WSCD1: variants seen among roughly 807,000 people sequenced by gnomAD.
WSCD1 encodes the protein sialate:O-sulfotransferase 1.
WSCD1 carries 41 observed loss-of-function variants against 60.4 expected under a neutral mutation model. The ratio of observed to expected loss-of-function variants is 0.68; its 90% CI spans 0.53 to 0.88. The LOEUF (loss-of-function observed/expected upper bound fraction) is 0.88, where lower values mean the gene tolerates loss of function less well. Among genes scored for constraint, WSCD1 ranks in the 40% least tolerant of loss-of-function variants. The pLI, the probability that WSCD1 is intolerant of heterozygous loss-of-function variation, is 0.00. For missense variants in WSCD1, 784 were observed against 796.2 expected (o/e 0.98, Z 0.18); for synonymous variants, 361 against 332.5 (o/e 1.09, Z -0.93).
chr17:6,092,947 G>A (rs1245895864), intron 4 of WSCD1, among the ~76,000 whole-genome samples: 1 of 152,152 alleles, frequency 6.6e-6, no homozygotes, highest in Middle Eastern at 3.2e-3. Flanking sequence ...CCTTCCTGAG[G>A]GAATGAGCTG....
chr17:6,087,942 C>G (rs1221379894), intron 2 of WSCD1, 48 bp from the exon 3 acceptor site: 1 of 1,488,652 alleles, frequency 6.7e-7, no homozygotes, highest in Non-Finnish European at 9.4e-7. Context: ...TAAGGGTGGG[C>G]CCATGATTCC....
chr17:6,090,386 T>C lies in WSCD1; in HGVS notation c.608T>C (p.Val203Ala). ...TACTGCGGGAACCGGCTGCCAGCGG[T>C]GAGCGTGGGGCTGGAAGAGTGTAAC... Reference protein sequence around the residue: ...ECYCGNRLPAVSVGLEECNHE... With the variant: ...ECYCGNRLPAASVGLEECNHE... The change falls in exon 4 of 9, where the codon GTG (valine) becomes GCG (alanine). Residue 203 changes from valine (V) to alanine (A), a missense_variant. By Grantham distance (64) the Val-to-Ala change is moderately conservative. Coordinates refer to ENST00000317744, the MANE Select transcript of WSCD1 (RefSeq NM_015253.2). 6.2e-7 allele frequency: 1 copy of C among 1,609,392 alleles called. No homozygotes were observed. The highest frequency in any genetic ancestry group is 8.5e-7 in the Non-Finnish European group (1 of 1,178,204).
At chr17:6,107,359 G>C (rs915119245) in intron 5 of WSCD1, among the ~76,000 whole-genome samples, 1 of 152,114 alleles carries the variant, frequency 6.6e-6, no homozygotes. Flanking sequence ...AAAGTAGCCA[G>C]GCATGGTGGT....
intron 1 of WSCD1, among the ~76,000 whole-genome samples, chr17:6,077,296 C>T (rs1908929230): frequency 6.6e-6 from 1 of 152,060 alleles, no homozygotes; most frequent in African/African-American, 2.4e-5. Flanking sequence ...ACCATGTTGG[C>T]CAGGATGGTC....
Position 6,088,088 on chromosome 17 carries a change from G to A in WSCD1, c.526G>A (p.Asp176Asn), listed in dbSNP as rs2150541291. The A allele has an allele frequency of 6.2e-7, 1 of 1,614,180 alleles. No homozygotes were observed. The highest frequency in any genetic ancestry group is 8.5e-7 in the Non-Finnish European group (1 of 1,180,018). The change falls in exon 3 of 9, where the codon GAT (aspartate) becomes AAT (asparagine). Residue 176 changes from aspartate to asparagine, a missense_variant. Transcript: ENST00000317744. ...LRKMTVSHCQ[D>N]ACAERSYVYA... is the part of the protein sequence containing the mutation. ...AAAGATGACTGTCTCCCACTGCCAGGATGCGTGTGCTGAGCGGTGAGTGCT... is the reference window on the plus strand; with the variant it reads ...AAAGATGACTGTCTCCCACTGCCAGAATGCGTGTGCTGAGCGGTGAGTGCT...
chr17:6,091,016 G>A (rs1165346793), intron 4 of WSCD1, among the ~76,000 whole-genome samples: 24 of 152,124 alleles, frequency 1.6e-4, no homozygotes, highest in Admixed American at 1.5e-3. Context: ...TCAGCCTCCC[G>A]AGGAGCTAGG....
At chr17:6,112,096 A>G (rs1911445263) in intron 7 of WSCD1, among the ~76,000 whole-genome samples, 1 of 152,230 alleles carries the variant, frequency 6.6e-6, no homozygotes, top group Non-Finnish European at 1.5e-5. Flanking sequence ...AAAAGTTTAC[A>G]GCAATAAATG....
intron 7 of WSCD1, among the ~76,000 whole-genome samples, chr17:6,116,009 T>A (rs1190380733): frequency 6.6e-6 from 1 of 152,192 alleles, no homozygotes; most frequent in African/African-American, 2.4e-5. Flanking sequence ...GAATCACTTA[T>A]AACAATCTTG....
At chr17:6,104,531 C>T (rs1445846564) in intron 5 of WSCD1, among the ~76,000 whole-genome samples, 1 of 152,224 alleles carries the variant, frequency 6.6e-6, no homozygotes, top group African/African-American at 2.4e-5. Context: ...AGGCCCCATT[C>T]TCAGTTACAG....
chr17:6,084,612 A>G lies in WSCD1; in HGVS notation c.428-3378A>G, dbSNP rs372845545. Among the ~76,000 whole-genome samples, 11 of 152,376 alleles carry G rather than the reference A, an allele frequency of 7.2e-5. 1 individual carries two copies. Among genetic ancestry groups the G allele is most frequent in the African/African-American group, 2.6e-4 (11 of 41,592 alleles). On this transcript the variant is annotated intron_variant, in intron 2 of 8. Coordinates refer to ENST00000317744, the MANE Select transcript of WSCD1 (RefSeq NM_015253.2). ...GGAATAAAATGTCTGTAAGTTTACTAGGGGAAAAATAGTAACTTCTCCATA... is the reference window on the plus strand; with the variant it reads ...GGAATAAAATGTCTGTAAGTTTACTGGGGGAAAAATAGTAACTTCTCCATA...
intron 5 of WSCD1, among the ~76,000 whole-genome samples, chr17:6,102,587 T>C (rs1453954070): frequency 6.6e-6 from 1 of 152,250 alleles, no homozygotes; most frequent in Non-Finnish European, 1.5e-5. Context: ...ATTTTCCAAG[T>C]GCAGAAATAA....
rs561072739 is a variant in WSCD1, at chr17:6,072,272, G to A, written c.-289+1620G>A. On this transcript the variant is annotated intron_variant, in intron 1 of 8. Transcript: ENST00000317744. ...CTAACCGAGCAGAAGTGGATATTCA[G>A]TGCCACTAGTGGGTCTGCTGCTGAA... Among the ~76,000 whole-genome samples, 11 of 152,368 alleles carry A rather than the reference G, an allele frequency of 7.2e-5. No homozygotes were observed. The South Asian group carries it at 2.3e-3, about 32-fold the overall frequency.
chr17:6,108,190 G>A (rs1043465714), intron 5 of WSCD1, among the ~76,000 whole-genome samples: 9 of 152,204 alleles, frequency 5.9e-5, no homozygotes, highest in East Asian at 5.8e-4. Flanking sequence ...GACACAGGCT[G>A]TTGTCTTTTA....
At chr17:6,093,852 T>A (rs1438805018) in intron 4 of WSCD1, among the ~76,000 whole-genome samples, 4 of 152,176 alleles carry the variant, frequency 2.6e-5, no homozygotes, top group Non-Finnish European at 4.4e-5. Context: ...GACTTGAACC[T>A]AAGCACTTAT....
chr17:6,109,795 G>A (rs1460592155), intron 6 of WSCD1, 29 bp downstream of exon 6: 3 of 1,601,094 alleles, frequency 1.9e-6, no homozygotes, highest in East Asian at 4.5e-5. Flanking sequence ...ACTGGTAGTG[G>A]CATTTGGTCT....
rs1331902373 is a variant in WSCD1, at chr17:6,120,590, A to G, written c.1657A>G (p.Ile553Val). Residue 553 changes from isoleucine to valine, a missense_variant, in exon 9 of 9, where the codon ATC becomes GTC. By Grantham distance (29) the Ile-to-Val change is conservative (BLOSUM62 3). Transcript: ENST00000317744. ...GATGAAAGACTTGATCAATGGCTACATCCGGACGGTGGACCAAGCCCTGCG... is the reference window on the plus strand; with the variant it reads ...GATGAAAGACTTGATCAATGGCTACGTCCGGACGGTGGACCAAGCCCTGCG... ...PEMKDLINGY[I>V]RTVDQALRDH... The G allele has an allele frequency of 2.5e-6, 4 of 1,613,632 alleles. No homozygotes were observed. Among genetic ancestry groups the G allele is most frequent in the Non-Finnish European group, 3.4e-6 (4 of 1,179,996 alleles).
intron 5 of WSCD1, among the ~76,000 whole-genome samples, chr17:6,105,511 G>A (rs1174784019): frequency 6.6e-6 from 1 of 152,146 alleles, no homozygotes; most frequent in Non-Finnish European, 1.5e-5. Flanking sequence ...TGGAAATCAT[G>A]TCCTAGAAAT....
intron 1 of WSCD1, among the ~76,000 whole-genome samples, chr17:6,074,864 A>C (rs1163884955): frequency 2.0e-5 from 3 of 151,772 alleles, no homozygotes; most frequent in African/African-American, 7.3e-5. Context: ...TAGAAAGATC[A>C]CTTTCTTAGA....
chr17:6,077,531 C>CA (rs1908945612), intron 1 of WSCD1, among the ~76,000 whole-genome samples: 1 of 152,272 alleles, frequency 6.6e-6, no homozygotes, highest in African/African-American at 2.4e-5. Flanking sequence ...CTGTTGTGTC[C>CA]ACACCAGCAC....
Sources: allele counts gnomAD v4.1 joint callset (sites outside exome capture counted in the v4.1 genomes callset), GRCh38; gene constraint gnomAD v4.1.1; transcripts MANE v1.5; gene names NCBI Gene and HGNC (gene_info 2026-07-23, HGNC 2026-07-21).